Variants in CDH8 observed in about 807,000 individuals in gnomAD.
CDH8 encodes cadherin 8.
In CDH8, 17 loss-of-function variants were observed where a neutral mutation model predicts 68.1. That is an observed-to-expected ratio of 0.25 (90% CI 0.17 to 0.37). The LOEUF (loss-of-function observed/expected upper bound fraction) is 0.37. Among genes scored for constraint, CDH8 ranks in the 10% least tolerant of loss-of-function variants. The probability of loss-of-function intolerance (pLI) is 1.00; values close to 1 mark genes in which losing one functional copy is unlikely to be tolerated. For synonymous variants in CDH8, 372 were observed against 365.1 expected (o/e 1.02, Z -0.21); for missense variants, 763 against 999.3 (o/e 0.76, Z 3.19).
chr16:61,741,010 G>A (rs886195906), intron 8 of CDH8, among the ~76,000 whole-genome samples: 8 of 152,030 alleles, frequency 5.3e-5, no homozygotes, highest in African/African-American at 1.9e-4. Flanking sequence ...GACCAGCACT[G>A]TACTAAAGAT....
At chr16:61,745,001 A>G (rs1482485188) in intron 8 of CDH8, among the ~76,000 whole-genome samples, 1 of 149,648 alleles carries the variant, frequency 6.7e-6, no homozygotes, top group Non-Finnish European at 1.5e-5. Context: ...CTATATTATC[A>G]TATTGCCATT....
intron 10 of CDH8, among the ~76,000 whole-genome samples, chr16:61,658,967 G>C (rs1485153061): frequency 6.6e-6 from 1 of 152,076 alleles, no homozygotes; most frequent in Non-Finnish European, 1.5e-5. Context: ...AGTTTATTGT[G>C]ATAGTAAACC....
intron 2 of CDH8, among the ~76,000 whole-genome samples, chr16:62,010,498 G>T (rs551539934): frequency 1.3e-5 from 2 of 152,306 alleles, no homozygotes; most frequent in South Asian, 4.1e-4. Flanking sequence ...TCCCTTCAGT[G>T]ACTTTCTCCC....
chr16:61,924,735 C>A (rs1175780747), intron 2 of CDH8, among the ~76,000 whole-genome samples: 1 of 151,996 alleles, frequency 6.6e-6, no homozygotes, highest in Non-Finnish European at 1.5e-5. Context: ...ACGTAGTCAT[C>A]TTTAGTTACT....
chr16:61,773,296 A>C (rs1960824603), intron 8 of CDH8, among the ~76,000 whole-genome samples: 1 of 151,976 alleles, frequency 6.6e-6, no homozygotes, highest in Admixed American at 6.6e-5. Flanking sequence ...TACATACATG[A>C]TTTTTTTGTG....
In CDH8 at chr16:61,825,250, C is replaced by T. The variant is rs531531586; in HGVS notation, c.668-71G>A. 4 of 1,174,880 alleles carry T rather than the reference C, an allele frequency of 3.4e-6. No individual in the cohort carries two copies. In the African/African-American group the frequency reaches 6.1e-5, roughly 18 times the overall value. 72.8% of individuals were successfully genotyped at this position (1,174,880 alleles called of 1,614,324 possible). A position where few individuals can be genotyped will look rare whatever the true frequency, so the allele number is the denominator to read the frequency against. On this transcript the variant is annotated intron_variant, in intron 4 of 11. Coordinates refer to ENST00000577390, the MANE Select transcript of CDH8 (RefSeq NM_001796.5). ...CAAAAATGAAAGTGTTAATCTCACA[C>T]ATGCACACATACACACAAGCATACA... is the stretch of plus-strand genomic sequence containing the variant.
intron 1 of CDH8, among the ~76,000 whole-genome samples, chr16:62,029,135 C>T (rs1567575055): frequency 6.6e-6 from 1 of 152,092 alleles, no homozygotes; most frequent in Non-Finnish European, 1.5e-5. Flanking sequence ...GAAACTGATG[C>T]TCTGTGTTTA....
At chr16:61,955,106 A>G (rs973266630) in intron 2 of CDH8, among the ~76,000 whole-genome samples, 2 of 152,250 alleles carry the variant, frequency 1.3e-5, no homozygotes, top group Non-Finnish European at 1.5e-5. Flanking sequence ...ACGACATGCT[A>G]TCCTCCACTG....
intron 8 of CDH8, among the ~76,000 whole-genome samples, chr16:61,750,755 A>G (rs1338208871): frequency 6.6e-6 from 1 of 152,156 alleles, no homozygotes; most frequent in Non-Finnish European, 1.5e-5. Context: ...TCATGCTAAT[A>G]TCCATATTTG....
intron 8 of CDH8, among the ~76,000 whole-genome samples, chr16:61,757,149 A>T (rs1174314967): frequency 6.6e-6 from 1 of 152,200 alleles, no homozygotes; most frequent in Non-Finnish European, 1.5e-5. Context: ...GAGAAAAAGT[A>T]AAAAAGTTTT....
In CDH8 at chr16:61,668,123, A is replaced by T. The variant is rs1596847915; in HGVS notation, c.1655-12402T>A. Among the ~76,000 whole-genome samples, 3 of 151,968 alleles carry T rather than the reference A, an allele frequency of 2.0e-5. No individual in the cohort carries two copies. In the East Asian group the frequency reaches 5.8e-4, roughly 29 times the overall value. On this transcript the variant is annotated intron_variant, in intron 10 of 11. Transcript: ENST00000577390. Reference sequence around the variant, plus strand: ...TAGTATTTGATTAAAAATATATCCAACACTATACTCTATAGATCTAAATTC... The same window carrying T: ...TAGTATTTGATTAAAAATATATCCATCACTATACTCTATAGATCTAAATTC...
At chr16:61,833,076 T>C (rs940132547) in intron 4 of CDH8, among the ~76,000 whole-genome samples, 2 of 151,708 alleles carry the variant, frequency 1.3e-5, no homozygotes, top group African/African-American at 4.8e-5. Flanking sequence ...TGAAATTCCC[T>C]GAGGCTCACT....
intron 8 of CDH8, among the ~76,000 whole-genome samples, chr16:61,766,013 T>G (rs1474969787): frequency 6.6e-6 from 1 of 151,982 alleles, no homozygotes. Context: ...TTAATAGCTT[T>G]AGGTTTACAG....
intron 1 of CDH8, among the ~76,000 whole-genome samples, chr16:62,031,235 T>C (rs1360958448): frequency 6.6e-6 from 1 of 152,118 alleles, no homozygotes; most frequent in African/African-American, 2.4e-5. Context: ...TAAAAGATGA[T>C]TGTGAGAGAA....
chr16:61,943,928 A>G (rs1473397666), intron 2 of CDH8, among the ~76,000 whole-genome samples: 1 of 152,222 alleles, frequency 6.6e-6, no homozygotes, highest in Non-Finnish European at 1.5e-5. Context: ...AAAGAAGGGA[A>G]TCAATTTACC....
chr16:62,009,975 C>T (rs80242358), intron 2 of CDH8, among the ~76,000 whole-genome samples: 1 of 152,150 alleles, frequency 6.6e-6, no homozygotes, highest in East Asian at 1.9e-4. Context: ...ACTAGGCTAA[C>T]CCCCGTATTA....
chr16:61,795,367 T>C (rs1416980179), intron 7 of CDH8, among the ~76,000 whole-genome samples: 1 of 151,954 alleles, frequency 6.6e-6, no homozygotes, highest in Non-Finnish European at 1.5e-5. Context: ...TAAAATAGAA[T>C]AAAAACAACC....
At chr16:61,893,407 TGTGTGTGA>T (rs1035411059) in intron 3 of CDH8, among the ~76,000 whole-genome samples, 1 of 144,672 alleles carries the variant, frequency 6.9e-6, no homozygotes, top group African/African-American at 2.6e-5. Context: ...TAGATGTGTG[TGTGTGTGA>T]GTGTGTGTGT....
intron 2 of CDH8, among the ~76,000 whole-genome samples, chr16:61,996,993 T>TTGTGTG (rs5817332): frequency 1.6e-3 from 245 of 150,982 alleles, no homozygotes; most frequent in African/African-American, 5.6e-3. Flanking sequence ...CCACAGAATA[T>TTGTGTG]TGTGTGTATG....
Sources: allele counts gnomAD v4.1 joint callset (sites outside exome capture counted in the v4.1 genomes callset), GRCh38; gene constraint gnomAD v4.1.1; transcripts MANE v1.5; gene names NCBI Gene and HGNC (gene_info 2026-07-23, HGNC 2026-07-21).